The following TBC1D2B variants were observed in gnomAD, a reference collection of about 807,000 sequenced individuals.
TBC1D2B encodes TBC1 domain family member 2B.
In TBC1D2B, 64 loss-of-function variants were observed where a neutral mutation model predicts 100.8. That is an observed-to-expected ratio of 0.64 (90% CI 0.52 to 0.78). The LOEUF is 0.78. Among genes scored for constraint, TBC1D2B ranks in the 30% least tolerant of loss-of-function variants. The probability of loss-of-function intolerance (pLI) is 0.00; values close to 1 mark genes in which losing one functional copy is unlikely to be tolerated. For synonymous variants in TBC1D2B, 480 were observed against 479.7 expected (o/e 1.00, Z -0.01); for missense variants, 1,052 against 1,218.4 (o/e 0.86, Z 2.03).
Position 78,044,894 on chromosome 15 carries a change from A to T in TBC1D2B, c.683+6T>A. Reference sequence around the variant, plus strand: ...CAATTTCATATGCTGCTTTCTAAAGACTCACTTGAGCTCATTGCCCCACTG... The same window carrying T: ...CAATTTCATATGCTGCTTTCTAAAGTCTCACTTGAGCTCATTGCCCCACTG... On this transcript the variant is annotated splice_donor_region_variant and intron_variant, in intron 3 of 12. Transcript: ENST00000300584. 1 of 1,595,366 alleles carries T rather than the reference A, an allele frequency of 6.3e-7. No homozygotes were observed. Among genetic ancestry groups the T allele is most frequent in the African/African-American group, 1.3e-5 (1 of 74,602 alleles).
chr15:78,063,704 C>A (rs756204307), intron 1 of TBC1D2B, among the ~76,000 whole-genome samples: 69 of 151,832 alleles, frequency 4.5e-4, no homozygotes, highest in Non-Finnish European at 9.0e-4. Flanking sequence ...CTGCTGTGAG[C>A]AATAACAACA....
chr15:78,018,072 A>T (rs1176002859), intron 6 of TBC1D2B, 115 bp from the exon 7 acceptor site: 1 of 558,158 alleles, frequency 1.8e-6, no homozygotes, highest in Non-Finnish European at 3.1e-6. Context: ...GCTAAGTTAG[A>T]GTAAGTTCTA....
intron 1 of TBC1D2B, among the ~76,000 whole-genome samples, chr15:78,073,508 T>C (rs1433660325): frequency 6.6e-6 from 1 of 152,210 alleles, no homozygotes; most frequent in East Asian, 1.9e-4. Flanking sequence ...AATCAGGGTC[T>C]CCTCTATGGC....
chr15:78,071,837 C>T (rs1596332980), intron 1 of TBC1D2B, among the ~76,000 whole-genome samples: 1 of 152,176 alleles, frequency 6.6e-6, no homozygotes, highest in East Asian at 1.9e-4. Flanking sequence ...AACAAAAACA[C>T]CACAGACTAA....
intron 4 of TBC1D2B, among the ~76,000 whole-genome samples, chr15:78,026,820 G>A (rs1322631127): frequency 6.6e-6 from 1 of 150,852 alleles, no homozygotes; most frequent in Non-Finnish European, 1.5e-5. Flanking sequence ...AGAATCACTT[G>A]AACCCGGGAG....
At chr15:78,012,107 A>C (rs2072246813) in intron 9 of TBC1D2B, among the ~76,000 whole-genome samples, 1 of 152,196 alleles carries the variant, frequency 6.6e-6, no homozygotes, top group South Asian at 2.1e-4. Flanking sequence ...CTGCTTACCT[A>C]CTTTCATTAC....
At chr15:78,006,123 G>C (rs1052139216) in intron 10 of TBC1D2B, among the ~76,000 whole-genome samples, 5 of 152,082 alleles carry the variant, frequency 3.3e-5, no homozygotes, top group African/African-American at 9.7e-5. Flanking sequence ...GTAGGGCCTG[G>C]GTTGTGATCT....
At chr15:78,045,459 G>A (rs565714514) in intron 2 of TBC1D2B, among the ~76,000 whole-genome samples, 2 of 152,300 alleles carry the variant, frequency 1.3e-5, no homozygotes, top group South Asian at 2.1e-4. Flanking sequence ...GAAAAGCAAG[G>A]TGCAGATCAG....
intron 2 of TBC1D2B, 79 bp from the exon 3 acceptor site, chr15:78,045,147 G>A (rs777464293): frequency 6.3e-6 from 8 of 1,279,208 alleles, no homozygotes; most frequent in Non-Finnish European, 7.5e-6. Context: ...ACACTGACTT[G>A]ACATACTATA....
At chr15:78,040,047 G>A (rs2073039027) in intron 3 of TBC1D2B, among the ~76,000 whole-genome samples, 1 of 152,214 alleles carries the variant, frequency 6.6e-6, no homozygotes, top group Non-Finnish European at 1.5e-5. Context: ...CGCTGCTGCA[G>A]CCTAAGCACA....
At chr15:78,073,879 G>A (rs1383502394) in intron 1 of TBC1D2B, among the ~76,000 whole-genome samples, 2 of 151,246 alleles carry the variant, frequency 1.3e-5, no homozygotes, top group Non-Finnish European at 2.9e-5. Flanking sequence ...TGAGGCAGGA[G>A]AATTGCTTGA....
At chr15:78,043,853 G>T (rs1469550875) in intron 3 of TBC1D2B, among the ~76,000 whole-genome samples, 1 of 151,948 alleles carries the variant, frequency 6.6e-6, no homozygotes, top group Non-Finnish European at 1.5e-5. Context: ...AGGGAACCCT[G>T]TCTCTACAAA....
At chr15:78,051,259 CAT>C (rs1424991264) in intron 2 of TBC1D2B, among the ~76,000 whole-genome samples, 4 of 152,182 alleles carry the variant, frequency 2.6e-5, no homozygotes, top group Non-Finnish European at 4.4e-5. Flanking sequence ...GATATCATCT[CAT>C]ATATATGTAT....
intron 1 of TBC1D2B, among the ~76,000 whole-genome samples, chr15:78,075,227 T>A (rs891555505): frequency 6.6e-6 from 1 of 151,562 alleles, no homozygotes; most frequent in African/African-American, 2.4e-5. Flanking sequence ...TGAGATGGAG[T>A]CTCACTCTGT....
chr15:78,020,855 C>CTGTAGGCTCCG (rs984198826), intron 6 of TBC1D2B, among the ~76,000 whole-genome samples: 1 of 152,200 alleles, frequency 6.6e-6, no homozygotes, highest in African/African-American at 2.4e-5. Flanking sequence ...GAAGGAGAAG[C>CTGTAGGCTCCG]TGTAGGCACG....
chr15:78,053,699 G>T (rs2073361684), intron 2 of TBC1D2B: 3 of 205,330 alleles, frequency 1.5e-5, no homozygotes. Context: ...GCCCAAGCAT[G>T]ACTATCTAGG....
intron 1 of TBC1D2B, among the ~76,000 whole-genome samples, chr15:78,065,342 T>C (rs966562268): frequency 1.1e-4 from 17 of 152,172 alleles, no homozygotes; most frequent in African/African-American, 4.1e-4. Flanking sequence ...AAGTGGGCAA[T>C]GAAAACAACT....
chr15:78,010,173 C>A (rs2072185574), intron 9 of TBC1D2B, among the ~76,000 whole-genome samples: 1 of 152,130 alleles, frequency 6.6e-6, no homozygotes. Context: ...GATGAGGGCA[C>A]CCCAAAGGAG....
At chr15:78,044,559 C>T (rs1363770341) in intron 3 of TBC1D2B, among the ~76,000 whole-genome samples, 7 of 152,222 alleles carry the variant, frequency 4.6e-5, no homozygotes, top group Non-Finnish European at 1.0e-4. Flanking sequence ...GCCCTAGGCA[C>T]AAGAAGCCCC....
Sources: gnomAD v4.1 joint callset for allele counts (sites outside exome capture counted in the v4.1 genomes callset) on GRCh38, gnomAD v4.1.1 for gene constraint, MANE v1.5 for transcripts, NCBI Gene and HGNC (gene_info 2026-07-23, HGNC 2026-07-21) for gene names.